The following ESYT1 variants were observed in gnomAD, a reference collection of about 807,000 sequenced individuals.
The protein encoded by ESYT1 is extended synaptotagmin-1.
ESYT1 carries 116 observed loss-of-function variants against 154.2 expected under a neutral mutation model. That is an observed-to-expected ratio of 0.75 (90% CI 0.65 to 0.88). The LOEUF (loss-of-function observed/expected upper bound fraction) is 0.88, where lower values mean the gene tolerates loss of function less well. ESYT1 is among the 40% of genes least tolerant of loss of function. The pLI, the probability that ESYT1 is intolerant of heterozygous loss-of-function variation, is 0.00. For synonymous variants in ESYT1, 500 were observed against 539.9 expected (o/e 0.93, Z 1.02); for missense variants, 1,264 against 1,379.3 (o/e 0.92, Z 1.32).
rs1400360300 is a variant in ESYT1 at position 56,142,099 on chromosome 12, A to G, written c.2593-186A>G. On this transcript the variant is annotated intron_variant, in intron 24 of 30. Transcript: ENST00000394048. The surrounding 1 kb of genome is among the most constrained non-coding windows in gnomAD (Gnocchi z 4.1). ...GCAACAAGAGCGAAACTCTGTCTCA[A>G]AAAAAAAAAAAAGGAAGGAAGGACA... is the stretch of plus-strand genomic sequence containing the variant. Among the ~76,000 whole-genome samples, 1 of 147,092 alleles carries G rather than the reference A, an allele frequency of 6.8e-6. No individual in the cohort carries two copies. Among genetic ancestry groups the G allele is most frequent in the Non-Finnish European group, 1.5e-5 (1 of 66,208 alleles).
rs1479655736 is a variant in ESYT1 at position 56,142,084 on chromosome 12, C to T, written c.2593-201C>T. ...TGCACTCCAGCCTGGGCAACAAGAG[C>T]GAAACTCTGTCTCAAAAAAAAAAAA... On this transcript the variant is annotated intron_variant, in intron 24 of 30. Transcript: ENST00000394048. The surrounding 1 kb of genome is among the most constrained non-coding windows in gnomAD (Gnocchi z 4.1). Among the ~76,000 whole-genome samples, 3 of 147,768 alleles carry T rather than the reference C, an allele frequency of 2.0e-5. No individual in the cohort carries two copies. Among genetic ancestry groups the T allele is most frequent in the East Asian group, 2.0e-4 (1 of 5,106 alleles).
rs984959354 is a variant in ESYT1, at chr12:56,132,946, C to G, written c.1244+145C>G. The G allele has an allele frequency of 5.9e-6, 4 of 680,064 alleles. No individual in the cohort carries two copies. The African/African-American group carries it at 7.2e-5, about 12-fold the overall frequency. 42.1% of individuals were successfully genotyped at this position (680,064 alleles called of 1,614,324 possible). A position where few individuals can be genotyped will look rare whatever the true frequency, so the allele number is the denominator to read the frequency against. On this transcript the variant is annotated intron_variant, in intron 10 of 30. Coordinates refer to ENST00000394048, the MANE Select transcript of ESYT1 (RefSeq NM_015292.3). The stretch of plus-strand genomic sequence containing the variant: ...CCATCCTGGCTAACACGGTGAAACC[C>G]CATCTCTACTAAAAATACAAAAATT...
intron 5 of ESYT1, 29 bp from the exon 6 acceptor site, chr12:56,131,448 A>G: frequency 6.2e-7 from 1 of 1,613,580 alleles, no homozygotes; most frequent in Non-Finnish European, 8.5e-7. Context: ...TTTCTGGGGA[A>G]AGGCTTTGAT....
At chr12:56,132,178 C>G (rs768854383) in intron 7 of ESYT1, 31 bp from the exon 8 acceptor site, 3 of 1,613,914 alleles carry the variant, frequency 1.9e-6, no homozygotes, top group African/African-American at 2.7e-5. Context: ...AAGTTGAGGC[C>G]ATACCCACTC....
Position 56,142,327 on chromosome 12 carries a change from C to A in ESYT1, c.2635C>A (p.Pro879Thr). The A allele has an allele frequency of 1.2e-6, 2 of 1,614,152 alleles. No homozygotes were observed. The highest frequency in any genetic ancestry group is 1.7e-6 in the Non-Finnish European group (2 of 1,180,038). Residue 879 changes from proline (P) to threonine (T), a missense_variant, in exon 25 of 31, where the codon CCC becomes ACC. Pro to Thr is a conservative substitution (Grantham distance 38). Transcript: ENST00000394048. The surrounding 1 kb of genome is among the most constrained non-coding windows in gnomAD (Gnocchi z 4.1). ...TGGCGTGCTGGGCTCATTATCCCTG[C>A]CCCTCTCAGAGCTCCTCGTGGCTGA... is the stretch of plus-strand genomic sequence containing the variant. The part of the protein sequence containing the change: ...GTGVLGSLSL[P>T]LSELLVADQL...
At chr12:56,131,587 G>C (rs754519420) in intron 6 of ESYT1, 21 bp downstream of exon 6, 89 of 1,613,156 alleles carry the variant, frequency 5.5e-5, no homozygotes, top group Non-Finnish European at 7.0e-5. Context: ...ACAATGAAGG[G>C]GTATGGGGAA....
In ESYT1 at chr12:56,138,811, C is replaced by T. The variant is rs1870572348; in HGVS notation, c.2477C>T (p.Thr826Ile). 6.2e-7 allele frequency: 1 copy of T among 1,614,184 alleles called. No individual in the cohort carries two copies. The highest frequency in any genetic ancestry group is 8.5e-7 in the Non-Finnish European group (1 of 1,180,020). ...CACCTCAGCCCTTATGCTACTCTCA[C>T]TGTGGGAGATAGTTCTCATAAAACC... ...TKHLSPYATL[T>I]VGDSSHKTKT... The change falls in exon 23 of 31, where the codon ACT (threonine) becomes ATT (isoleucine). Residue 826 changes from threonine (T) to isoleucine (I), a missense_variant. Physicochemically the swap from Thr to Ile is moderately conservative, Grantham distance 89 (BLOSUM62 -1). Coordinates refer to ENST00000394048, the MANE Select transcript of ESYT1 (RefSeq NM_015292.3).
chr12:56,133,658 C>G lies in ESYT1; in HGVS notation c.1364C>G (p.Ala455Gly). 2 of 1,614,190 alleles carry G rather than the reference C, an allele frequency of 1.2e-6. No individual in the cohort carries two copies. The highest frequency in any genetic ancestry group is 8.5e-7 in the Non-Finnish European group (1 of 1,180,038). The stretch of plus-strand genomic sequence containing the variant: ...GAATGGCTGTCACTTTTGTCAGATG[C>G]AGAGAAACTGGAGCAGGTAAGCCAC... ...RLEWLSLLSD[A>G]EKLEQVLQWN... The change falls in exon 12 of 31, where the codon GCA becomes GGA. Residue 455 changes from alanine to glycine, a missense_variant. Ala to Gly is a moderately conservative substitution (Grantham distance 60). Coordinates refer to ENST00000394048, the MANE Select transcript of ESYT1 (RefSeq NM_015292.3).
rs758429667 is a variant in ESYT1, at chr12:56,128,403, C to A, written c.84C>A (p.Pro28=). ...CCTCCGACCCCACTGACCAGCCCCC[C>A]GCTGCTCACGCAAAGCCAGACCCAG... ...SAPSDPTDQP[P]AAHAKPDPGS... The change falls in exon 1 of 31, where the codon CCC becomes CCA. Residue 28 remains proline, a synonymous_variant. Transcript: ENST00000394048. The A allele has an allele frequency of 1.9e-6, 3 of 1,611,664 alleles. No homozygotes were observed. Among genetic ancestry groups the A allele is most frequent in the African/African-American group, 1.3e-5 (1 of 75,054 alleles).
rs1870767921 is a variant in ESYT1 at position 56,142,931 on chromosome 12, C to T, written c.2985C>T (p.Cys995=). Residue 995 remains cysteine, a splice_region_variant and synonymous_variant, in exon 27 of 31, where the codon TGC becomes TGT. Transcript: ENST00000394048. The surrounding 1 kb of genome is among the most constrained non-coding windows in gnomAD (Gnocchi z 4.1). The part of the protein sequence containing the change: ...ERKLVSIVHG[C]RSLRQNGRDP... Reference sequence around the variant, plus strand: ...AGCTGGTCAGCATTGTTCATGGTTGCCGGTGAGACCCCATCCCTCCTGTCC... The same window carrying T: ...AGCTGGTCAGCATTGTTCATGGTTGTCGGTGAGACCCCATCCCTCCTGTCC... 3.7e-6 allele frequency: 6 copies of T among 1,613,986 alleles called. No homozygotes were observed. The highest frequency in any genetic ancestry group is 3.4e-6 in the Non-Finnish European group (4 of 1,180,034).
chr12:56,136,454 G>A (rs1870456708), intron 15 of ESYT1, among the ~76,000 whole-genome samples: 1 of 152,090 alleles, frequency 6.6e-6, no homozygotes, highest in Non-Finnish European at 1.5e-5. Flanking sequence ...AGCTGGGCGT[G>A]ACGGCATGCG....
At position 56,142,589 on chromosome 12, in the gene ESYT1, C is replaced by G. The variant is rs1870746059; in HGVS notation, c.2745C>G (p.Ser915=). Residue 915 remains serine, a synonymous_variant, in exon 26 of 31, where the codon TCC becomes TCG. Coordinates refer to ENST00000394048, the MANE Select transcript of ESYT1 (RefSeq NM_015292.3). The surrounding 1 kb of genome is among the most constrained non-coding windows in gnomAD (Gnocchi z 4.1). ...TTTCTTGCCCCTAGATCCTGGTGTC[C>G]CAGCACTCGGGAGTGGAAGCTCATA... is the stretch of plus-strand genomic sequence containing the variant. ...LLRAQLGILV[S]QHSGVEAHSH... The G allele has an allele frequency of 6.2e-7, 1 of 1,613,972 alleles. No individual in the cohort carries two copies. The highest frequency in any genetic ancestry group is 8.5e-7 in the Non-Finnish European group (1 of 1,180,034).
chr12:56,142,645 T>C lies in ESYT1; in HGVS notation c.2801T>C (p.Leu934Pro), dbSNP rs767286366. The C allele has an allele frequency of 6.2e-7, 1 of 1,614,028 alleles. No individual in the cohort carries two copies. The highest frequency in any genetic ancestry group is 1.1e-5 in the South Asian group (1 of 91,086). Residue 934 changes from leucine (L) to proline (P), a missense_variant, in exon 26 of 31, where the codon CTG (leucine) becomes CCG (proline). By Grantham distance (98) the Leu-to-Pro change is moderately conservative. Transcript: ENST00000394048. The surrounding 1 kb of genome is among the most constrained non-coding windows in gnomAD (Gnocchi z 4.1). ...AGCTACAGCCACAGCTCCTCATCGCTGAGTGAAGAACCAGAGCTCTCGGGG... is the reference window on the plus strand; with the variant it reads ...AGCTACAGCCACAGCTCCTCATCGCCGAGTGAAGAACCAGAGCTCTCGGGG... Reference protein sequence around the residue: ...SHSYSHSSSSLSEEPELSGGP... With the variant: ...SHSYSHSSSSPSEEPELSGGP...
At position 56,144,486 on chromosome 12, in the gene ESYT1, A is replaced by C. The variant is rs1223906218; in HGVS notation, c.*624A>C. 2.0e-6 allele frequency: 2 copies of C among 986,174 alleles called. No homozygotes were observed. Among genetic ancestry groups the C allele is most frequent in the Non-Finnish European group, 2.4e-6 (2 of 830,562 alleles). The allele number at this position is 986,174 out of a possible 1,614,324, so 61.1% of individuals were successfully genotyped here. A position where few individuals can be genotyped will look rare whatever the true frequency, so the allele number is the denominator to read the frequency against. ...TCTACTCAAGCCTCCAAGTAGTGGCATATCAGTCTTGGAGCTCCTAGCTGG... is the reference window on the plus strand; with the variant it reads ...TCTACTCAAGCCTCCAAGTAGTGGCCTATCAGTCTTGGAGCTCCTAGCTGG... On this transcript the variant is annotated 3_prime_UTR_variant, in exon 31 of 31. Coordinates refer to ENST00000394048, the MANE Select transcript of ESYT1 (RefSeq NM_015292.3).
chr12:56,138,100 C>T (rs956937011), intron 20 of ESYT1, 26 bp downstream of exon 20: 1 of 1,614,020 alleles, frequency 6.2e-7, no homozygotes, highest in Non-Finnish European at 8.5e-7. Context: ...GAGTCAACAA[C>T]CCCTCCTGAT....
At position 56,143,047 on chromosome 12, in the gene ESYT1, T is replaced by C; in HGVS notation, c.3018T>C (p.Pro1006=). The part of the protein sequence containing the change: ...RSLRQNGRDP[P]DPYVSLLLLP... ...TTCGACAGAATGGACGTGATCCTCC[T>C]GATCCCTATGTGTCACTGTTGCTAC... Residue 1006 remains proline, a synonymous_variant, in exon 28 of 31, where the codon CCT becomes CCC. Coordinates refer to ENST00000394048, the MANE Select transcript of ESYT1 (RefSeq NM_015292.3). 6.2e-7 allele frequency: 1 copy of C among 1,614,216 alleles called. No homozygotes were observed. The highest frequency in any genetic ancestry group is 1.7e-5 in the Admixed American group (1 of 60,024).
rs35837136 is a variant in ESYT1 at position 56,142,097 on chromosome 12, C to CA, written c.2593-174dup. On this transcript the variant is annotated intron_variant, in intron 24 of 30. Coordinates refer to ENST00000394048, the MANE Select transcript of ESYT1 (RefSeq NM_015292.3). The surrounding 1 kb of genome is among the most constrained non-coding windows in gnomAD (Gnocchi z 4.1). ...GGGCAACAAGAGCGAAACTCTGTCT[C>CA]AAAAAAAAAAAAAAGGAAGGAAGGA... Among the ~76,000 whole-genome samples, 3,469 of 122,290 alleles carry CA rather than the reference C, an allele frequency of 0.028. 47 individuals carry two copies. The highest frequency in any genetic ancestry group is 0.044 in the Non-Finnish European group (2,524 of 57,292). 80.2% of individuals were successfully genotyped at this position (122,290 alleles called of 152,430 possible).
chr12:56,130,704 C>CA, intron 2 of ESYT1, 81 bp downstream of exon 2: 1 of 1,613,096 alleles, frequency 6.2e-7, no homozygotes, highest in South Asian at 1.1e-5. Context: ...CCTCAACCCT[C>CA]AGTGCTCTCC....
At chr12:56,137,431 T>C in intron 17 of ESYT1, 58 bp downstream of exon 17, 1 of 1,611,582 alleles carries the variant, frequency 6.2e-7, no homozygotes, top group Non-Finnish European at 8.5e-7. Flanking sequence ...ATGCAAAGCC[T>C]GTTTCAGGGC....
Sources: allele counts gnomAD v4.1 joint callset (sites outside exome capture counted in the v4.1 genomes callset), GRCh38; gene constraint gnomAD v4.1.1; non-coding constraint Gnocchi (gnomAD v3.1); transcripts MANE v1.5; gene names NCBI Gene and HGNC (gene_info 2026-07-23, HGNC 2026-07-21).